Variants in TANC1 observed in about 807,000 individuals in gnomAD.
The protein encoded by TANC1 is tetratricopeptide repeat, ankyrin repeat and coiled-coil containing 1, also known as protein TANC1.
TANC1 carries 77 observed loss-of-function variants against 149.7 expected under a neutral mutation model. That is an observed-to-expected ratio of 0.51 (90% CI 0.43 to 0.62). TANC1 has a LOEUF of 0.62. Ranked by LOEUF, TANC1 falls within the 20% of genes least tolerant of loss-of-function variation. The pLI, the probability that TANC1 is intolerant of heterozygous loss-of-function variation, is 0.00. For synonymous variants in TANC1, 854 were observed against 925.0 expected, an observed-to-expected ratio of 0.92 and a Z score of 1.39; for missense variants, 1,985 against 2,321.8, an observed-to-expected ratio of 0.85 and a Z score of 2.98.
chr2:159,116,451 C>CAAAAA (rs766638121), intron 4 of TANC1, among the ~76,000 whole-genome samples: 1 of 135,302 alleles, frequency 7.4e-6, no homozygotes, highest in Non-Finnish European at 1.6e-5. Context: ...ACAACAACAA[C>CAAAAA]AACAAAAAAA....
chr2:159,151,954 T>A (rs547926828), intron 7 of TANC1, among the ~76,000 whole-genome samples: 14 of 152,316 alleles, frequency 9.2e-5, no homozygotes, highest in Non-Finnish European at 1.6e-4. Context: ...ATTTTCATTA[T>A]CCCCAAAAGA....
intron 19 of TANC1, among the ~76,000 whole-genome samples, chr2:159,206,323 G>A (rs998178188): frequency 1.3e-5 from 2 of 152,130 alleles, no homozygotes; most frequent in East Asian, 1.9e-4. Context: ...GAACTGAGGG[G>A]GCTGGGTTTG....
At chr2:159,159,021 G>A (rs2150372569) in intron 7 of TANC1, among the ~76,000 whole-genome samples, 1 of 152,336 alleles carries the variant, frequency 6.6e-6, no homozygotes, top group Middle Eastern at 3.4e-3. Flanking sequence ...GCTGTAGTCA[G>A]GTTACAGTTA....
intron 4 of TANC1, among the ~76,000 whole-genome samples, chr2:159,128,599 G>A (rs567920420): frequency 2.0e-5 from 3 of 152,208 alleles, no homozygotes; most frequent in South Asian, 2.1e-4. Flanking sequence ...GTCTTTGGAC[G>A]GTGCCTTCTG....
intron 19 of TANC1, among the ~76,000 whole-genome samples, chr2:159,205,797 C>T (rs2058565116): frequency 1.3e-5 from 2 of 152,238 alleles, no homozygotes; most frequent in Non-Finnish European, 1.5e-5. Context: ...GATGCATGCA[C>T]ATCTCAGGAC....
At chr2:159,219,399 G>A (rs1408265243) in intron 21 of TANC1, 38 bp downstream of exon 21, 1 of 1,612,722 alleles carries the variant, frequency 6.2e-7, no homozygotes, top group Non-Finnish European at 8.5e-7. Flanking sequence ...CTTTTGGACG[G>A]ACACAGAGAG....
chr2:159,225,027 C>T (rs2059931239), intron 23 of TANC1: 1 of 157,584 alleles, frequency 6.3e-6, no homozygotes, highest in Admixed American at 6.1e-5. Flanking sequence ...AGGAACTATC[C>T]AAGCAGTTTC....
chr2:158,976,478 C>T (rs2033683916), intron 1 of TANC1, among the ~76,000 whole-genome samples: 1 of 152,082 alleles, frequency 6.6e-6, no homozygotes, highest in African/African-American at 2.4e-5. Context: ...TAAAAAGATT[C>T]TTGCAAAGAA....
chr2:159,137,797 C>T (rs888757798), intron 5 of TANC1, among the ~76,000 whole-genome samples: 1 of 152,160 alleles, frequency 6.6e-6, no homozygotes, highest in Non-Finnish European at 1.5e-5. Flanking sequence ...CCTTTGTAGC[C>T]CTGGTCAATT....
At position 159,163,579 on chromosome 2, in the gene TANC1, T is replaced by A. The variant is rs145103911; in HGVS notation, c.946+33T>A. The A allele has an allele frequency of 6.9e-4, 1,106 of 1,595,634 alleles. 14 individuals carry two copies. The East Asian group carries it at 0.022, about 31-fold the overall frequency. ...CACACCTTTCCCTGGAAGGATTATC[T>A]CAGGGATACCAAGGTGCCCTGTGTT... On this transcript the variant is annotated intron_variant, in intron 8 of 26. Transcript: ENST00000263635.
chr2:159,007,352 G>A (rs2037314874), intron 2 of TANC1, among the ~76,000 whole-genome samples: 1 of 152,066 alleles, frequency 6.6e-6, no homozygotes, highest in South Asian at 2.1e-4. Context: ...TTCCATGTTG[G>A]TCAGGCTGGT....
At chr2:159,090,636 G>T (rs1365674329) in intron 3 of TANC1, among the ~76,000 whole-genome samples, 1 of 152,190 alleles carries the variant, frequency 6.6e-6, no homozygotes, top group Non-Finnish European at 1.5e-5. Context: ...GTCTGTGCTG[G>T]CAAGGAAATG....
chr2:159,062,992 A>AAAAAAAAAAAAAAAAAAAAAAAAAAAG (rs1559188236), intron 2 of TANC1, among the ~76,000 whole-genome samples: 1 of 147,414 alleles, frequency 6.8e-6, no homozygotes. Context: ...AAAAAAAAAA[A>AAAAAAAAAAAAAAAAAAAAAAAAAAAG]AAAGAAAGCA....
intron 4 of TANC1, among the ~76,000 whole-genome samples, chr2:159,121,256 A>C (rs1247058127): frequency 6.6e-6 from 1 of 152,202 alleles, no homozygotes; most frequent in Non-Finnish European, 1.5e-5. Context: ...GGCTCTGTGG[A>C]CCTAGCTGCC....
intron 5 of TANC1, 81 bp downstream of exon 5, chr2:159,136,379 T>C: frequency 1.2e-6 from 1 of 841,736 alleles, no homozygotes; most frequent in Non-Finnish European, 2.1e-6. Flanking sequence ...AACTTGAGTG[T>C]CCTTGCAGTA....
intron 2 of TANC1, among the ~76,000 whole-genome samples, chr2:159,003,457 G>A (rs2036807395): frequency 6.6e-6 from 1 of 152,156 alleles, no homozygotes; most frequent in African/African-American, 2.4e-5. Flanking sequence ...CAGAAACAGT[G>A]CCTGGCTTTT....
At chr2:158,989,439 T>A (rs1358046731) in intron 1 of TANC1, among the ~76,000 whole-genome samples, 1 of 151,278 alleles carries the variant, frequency 6.6e-6, no homozygotes, top group Non-Finnish European at 1.5e-5. Context: ...ACCTCATCTC[T>A]ACTAAAAGTT....
chr2:159,213,144 T>G (rs1258908921), intron 19 of TANC1, among the ~76,000 whole-genome samples: 1 of 152,170 alleles, frequency 6.6e-6, no homozygotes, highest in Non-Finnish European at 1.5e-5. Flanking sequence ...TATCTGTTTT[T>G]GGGATATCTC....
intron 4 of TANC1, among the ~76,000 whole-genome samples, chr2:159,108,866 T>TAA (rs2047443809): frequency 6.6e-6 from 1 of 152,112 alleles, no homozygotes; most frequent in African/African-American, 2.4e-5. Flanking sequence ...GGGAAAAACT[T>TAA]CATTATTAGG....
Sources: gnomAD v4.1 joint callset for allele counts (sites outside exome capture counted in the v4.1 genomes callset) on GRCh38, gnomAD v4.1.1 for gene constraint, MANE v1.5 for transcripts, NCBI Gene and HGNC (gene_info 2026-07-23, HGNC 2026-07-21) for gene names.